The following ABR variants were observed in gnomAD, a reference collection of about 807,000 sequenced individuals.
The protein encoded by ABR is ABR activator of RhoGEF and GTPase.
ABR carries 35 observed loss-of-function variants against 107.2 expected under a neutral mutation model. The ratio of observed to expected loss-of-function variants is 0.33; its 90% CI spans 0.25 to 0.43. The LOEUF is 0.43. ABR is among the 20% of genes least tolerant of loss of function. The pLI is 1.00. For synonymous variants in ABR, 498 were observed against 462.0 expected, an observed-to-expected ratio of 1.08 and a Z score of -1.00; for missense variants, 815 against 1,115.2, an observed-to-expected ratio of 0.73 and a Z score of 3.83.
At chr17:1,083,784 TAC>T (rs2151259785) in intron 4 of ABR, 157 bp from the exon 5 acceptor site, 1 of 648,444 alleles carries the variant, frequency 1.5e-6, no homozygotes, top group African/African-American at 1.8e-5. Flanking sequence ...ATGAACATAT[TAC>T]AGTGTCCCTT....
chr17:1,123,709 C>G (rs2039457328), intron 2 of ABR, among the ~76,000 whole-genome samples: 1 of 152,098 alleles, frequency 6.6e-6, no homozygotes, highest in Non-Finnish European at 1.5e-5. Context: ...GGGCTCTGAG[C>G]CCTGCTGTGG....
rs560310490 is a variant in ABR, at chr17:1,020,450, A to T, written c.1792-7286T>A. ...TGACTGCGCATTCAGGCCTCTCCCA[A>T]AGAGAAACGCTGGCGCTGGGGGCTC... On this transcript the variant is annotated intron_variant, in intron 16 of 22. Transcript: ENST00000302538. Among the ~76,000 whole-genome samples, 7 of 152,232 alleles carry T rather than the reference A, an allele frequency of 4.6e-5. No individual in the cohort carries two copies. The East Asian group carries it at 1.2e-3, about 25-fold the overall frequency.
rs11658507 is a variant in ABR at position 1,200,728 on chromosome 17, C to T, written c.838+28065G>A. Reference sequence around the variant, plus strand: ...AGGTGGAAACCCGGGCACGTCATCCCGGTTTGTTCATGGTGCAAGATGTCT... The same window carrying T: ...AGGTGGAAACCCGGGCACGTCATCCTGGTTTGTTCATGGTGCAAGATGTCT... On this transcript the variant is annotated intron_variant, in intron 1 of 22. Coordinates refer to the ABR transcript ENST00000574139. The surrounding 1 kb of genome is among the most constrained non-coding windows in gnomAD (Gnocchi z 4.1). Among the ~76,000 whole-genome samples, 46,594 of 152,116 alleles carry T rather than the reference C, an allele frequency of 0.31. 8,459 individuals carry two copies. Among genetic ancestry groups the T allele is most frequent in the Non-Finnish European group, 0.43 (29,020 of 67,986 alleles).
intron 10 of ABR, among the ~76,000 whole-genome samples, chr17:1,061,979 C>T (rs2033999617): frequency 1.3e-5 from 2 of 152,202 alleles, no homozygotes; most frequent in South Asian, 2.1e-4. Context: ...ACCATTTAAG[C>T]AAAGCCACAG....
At chr17:1,059,746 T>TCCCAAGG (rs2151087084) in intron 10 of ABR, among the ~76,000 whole-genome samples, 1 of 152,310 alleles carries the variant, frequency 6.6e-6, no homozygotes, top group African/African-American at 2.4e-5. Context: ...AAGTCTCAGC[T>TCCCAAGG]CCCAAGGCCA....
At chr17:1,031,760 C>G in intron 16 of ABR, 1 of 1,235,172 alleles carries the variant, frequency 8.1e-7, no homozygotes, top group Non-Finnish European at 1.0e-6. Flanking sequence ...GGACGGGACG[C>G]GGCGCTGGAG....
intron 1 of ABR, among the ~76,000 whole-genome samples, chr17:1,160,657 A>C (rs2041251717): frequency 6.6e-6 from 1 of 152,234 alleles, no homozygotes; most frequent in Admixed American, 6.5e-5. Context: ...CACGACAGCC[A>C]GACGCCGAGC....
chr17:1,207,649 C>CA (rs376092819), intron 1 of ABR, among the ~76,000 whole-genome samples: 37,228 of 85,798 alleles, frequency 0.43, 6,809 homozygotes, highest in East Asian at 0.7. Context: ...AACTCCGTCT[C>CA]AAAAAAAAAA....
chr17:1,203,246 T>G (rs1482373354), intron 1 of ABR, among the ~76,000 whole-genome samples: 1 of 151,894 alleles, frequency 6.6e-6, no homozygotes, highest in Non-Finnish European at 1.5e-5. Context: ...GGGAGACTCC[T>G]TGGAAGGGGC....
chr17:1,044,084 G>C (rs1391539664), intron 16 of ABR, among the ~76,000 whole-genome samples: 2 of 152,224 alleles, frequency 1.3e-5, no homozygotes, highest in East Asian at 1.9e-4. Context: ...TCAGCTAGCG[G>C]GTAGGTTGCA....
chr17:1,135,769 G>C (rs368712497), intron 1 of ABR, among the ~76,000 whole-genome samples: 2 of 152,070 alleles, frequency 1.3e-5, no homozygotes, highest in South Asian at 2.1e-4. Flanking sequence ...CCAGCTATTC[G>C]GGGGGCTGAG....
intron 1 of ABR, among the ~76,000 whole-genome samples, chr17:1,199,941 T>C (rs1332709200): frequency 1.3e-5 from 2 of 151,502 alleles, no homozygotes; most frequent in African/African-American, 4.8e-5. Context: ...TTTTTTATTA[T>C]ACTTTAAATT....
At chr17:1,147,278 G>A (rs530087548) in intron 1 of ABR, among the ~76,000 whole-genome samples, 5 of 152,182 alleles carry the variant, frequency 3.3e-5, no homozygotes, top group Admixed American at 6.5e-5. Context: ...AGAGCCCCCC[G>A]TCTACCAGGA....
rs1306638667 is a variant in ABR, at chr17:1,027,201, G to A, written c.1792-14037C>T. On this transcript the variant is annotated intron_variant, in intron 16 of 22. Coordinates refer to ENST00000302538, the MANE Select transcript of ABR (RefSeq NM_021962.5). This position sits in a 1 kb window ranked among gnomAD's most constrained non-coding sequence, Gnocchi z 4.7. ...TGATTGGCAGGTTCTCCTCTCCCTG[G>A]TCCAGAGCCATCCAAAAGCTGGGGC... 9.9e-5 allele frequency among the ~76,000 whole-genome samples: 15 copies of A among 152,166 alleles called. No individual in the cohort carries two copies. Among genetic ancestry groups the A allele is most frequent in the Admixed American group, 9.8e-4 (15 of 15,278 alleles).
upstream of ABR, among the ~76,000 whole-genome samples, chr17:1,188,023 C>CT (rs141185774): frequency 1.5e-3 from 228 of 152,074 alleles, no homozygotes; most frequent in Middle Eastern, 6.8e-3. Flanking sequence ...CCAGACCAGC[C>CT]TGGCTCATGT....
chr17:1,118,522 T>A (rs372381409), intron 2 of ABR, among the ~76,000 whole-genome samples: 9 of 8,918 alleles, frequency 1.0e-3, no homozygotes, highest in Non-Finnish European at 2.4e-3. Context: ...CCCAGCGTTA[T>A]CCCTGAGCCT....
upstream of ABR, among the ~76,000 whole-genome samples, chr17:1,183,354 C>A (rs1385198676): frequency 5.3e-5 from 8 of 151,992 alleles, no homozygotes; most frequent in Admixed American, 2.0e-4. Flanking sequence ...GGCTCTCCAA[C>A]CCCAGGGTGA....
At position 1,103,250 on chromosome 17, in the gene ABR, AGTCGG is replaced by A. The variant is rs566970495; in HGVS notation, c.247-2520_247-2516del. ...GTTATCATCTTCCTGAGGCACCGAGAGTCGGGACTGCCAGAGGCCTGCACAGCCTC... is the reference window on the plus strand; with the variant it reads ...GTTATCATCTTCCTGAGGCACCGAGAGACTGCCAGAGGCCTGCACAGCCTC... On this transcript the variant is annotated intron_variant, in intron 2 of 22. Coordinates refer to ENST00000302538, the MANE Select transcript of ABR (RefSeq NM_021962.5). 1.6e-4 allele frequency among the ~76,000 whole-genome samples: 24 copies of A among 152,082 alleles called. No homozygotes were observed. In the East Asian group the frequency reaches 4.5e-3, roughly 28 times the overall value.
intron 16 of ABR, among the ~76,000 whole-genome samples, chr17:1,041,244 C>T (rs1334363562): frequency 1.3e-5 from 2 of 152,066 alleles, no homozygotes; most frequent in Non-Finnish European, 2.9e-5. Context: ...CTTTACCAGA[C>T]GGTGAGGTCC....
Sources: gnomAD v4.1 joint callset for allele counts (sites outside exome capture counted in the v4.1 genomes callset) on GRCh38, gnomAD v4.1.1 for gene constraint, Gnocchi (gnomAD v3.1) non-coding constraint, MANE v1.5 for transcripts, NCBI Gene and HGNC (gene_info 2026-07-23, HGNC 2026-07-21) for gene names.